DOK5: variants seen among roughly 807,000 people sequenced by gnomAD.
DOK5 encodes docking protein 5, also known as downstream of tyrosine kinase 5.
DOK5 carries 27 observed loss-of-function variants against 43.3 expected under a neutral mutation model. The ratio of observed to expected loss-of-function variants is 0.62; its 90% CI spans 0.46 to 0.86. DOK5 has a LOEUF of 0.86. DOK5 is among the 40% of genes least tolerant of loss of function. DOK5 has a pLI of 0.00. For missense variants in DOK5, 373 were observed against 392.9 expected (o/e 0.95, Z 0.43); for synonymous variants, 146 against 140.1 (o/e 1.04, Z -0.30).
chr20:54,577,533 T>C (rs1386591948), intron 2 of DOK5, among the ~76,000 whole-genome samples: 1 of 152,238 alleles, frequency 6.6e-6, no homozygotes, highest in Non-Finnish European at 1.5e-5. Context: ...CTGGTCTTCA[T>C]ACAAGAAGCA....
At chr20:54,568,866 A>G (rs552353475) in intron 2 of DOK5, among the ~76,000 whole-genome samples, 2 of 151,848 alleles carry the variant, frequency 1.3e-5, no homozygotes, top group East Asian at 1.9e-4. Flanking sequence ...CGGGAGGCGG[A>G]GCTTACAGTG....
At chr20:54,634,743 G>A (rs532410556) in intron 6 of DOK5, among the ~76,000 whole-genome samples, 1 of 151,012 alleles carries the variant, frequency 6.6e-6, no homozygotes, top group East Asian at 1.9e-4. Flanking sequence ...TAATCTTCAG[G>A]GCATATACTA....
intron 2 of DOK5, among the ~76,000 whole-genome samples, chr20:54,560,321 C>A (rs1265087879): frequency 6.6e-6 from 1 of 152,168 alleles, no homozygotes; most frequent in Non-Finnish European, 1.5e-5. Flanking sequence ...AACTACCCAC[C>A]ATGCCATATT....
intron 2 of DOK5, among the ~76,000 whole-genome samples, chr20:54,559,934 T>G (rs550000814): frequency 6.5e-4 from 99 of 152,378 alleles, no homozygotes; most frequent in Admixed American, 7.2e-4. Context: ...TTATTATTTT[T>G]ATTCTCCCAA....
At chr20:54,597,580 T>G (rs1986181265) in intron 5 of DOK5, among the ~76,000 whole-genome samples, 1 of 152,178 alleles carries the variant, frequency 6.6e-6, no homozygotes, top group Non-Finnish European at 1.5e-5. Flanking sequence ...AAATGAAACC[T>G]GGGCAATGGC....
intron 5 of DOK5, among the ~76,000 whole-genome samples, chr20:54,605,288 C>T (rs1986437466): frequency 6.6e-6 from 1 of 152,176 alleles, no homozygotes; most frequent in African/African-American, 2.4e-5. Flanking sequence ...ATTTCAACCC[C>T]ATTAGTATTT....
rs887954067 is a variant in DOK5, at chr20:54,625,876, T to G, written c.735+15353T>G. Among the ~76,000 whole-genome samples, 4 of 152,368 alleles carry G rather than the reference T, an allele frequency of 2.6e-5. No homozygotes were observed. The South Asian group carries it at 8.3e-4, about 32-fold the overall frequency. ...ATCAATTCATCCATCCATAATTCAA[T>G]TATCCAATCCCTTTTTATTAAATGC... On this transcript the variant is annotated intron_variant, in intron 6 of 7. Coordinates refer to ENST00000262593, the MANE Select transcript of DOK5 (RefSeq NM_018431.5).
chr20:54,588,134 G>T (rs940760386), intron 2 of DOK5, among the ~76,000 whole-genome samples: 1 of 152,034 alleles, frequency 6.6e-6, no homozygotes, highest in Admixed American at 6.6e-5. Flanking sequence ...CACAGAGACC[G>T]AAACAGACAT....
rs1453701170 is a variant in DOK5, at chr20:54,603,907, G to GGGAGGC, written c.600-6476_600-6475insCGGAGG. ...GCCTTGCTATAGCCTCAGGGGGAGG[G>GGGAGGC]GGAGGGGATTGTACTCCACTTGTTC... On this transcript the variant is annotated intron_variant, in intron 5 of 7. Coordinates refer to ENST00000262593, the MANE Select transcript of DOK5 (RefSeq NM_018431.5). Among the ~76,000 whole-genome samples the GGGAGGC allele has an allele frequency of 2.0e-5, 3 of 151,834 alleles. No homozygotes were observed. In the East Asian group the frequency reaches 5.8e-4, roughly 29 times the overall value.
Position 54,501,686 on chromosome 20 carries a change from T to G in DOK5, c.66+25674T>G, listed in dbSNP as rs572497146. 2.0e-3 allele frequency among the ~76,000 whole-genome samples: 297 copies of G among 152,222 alleles called. 1 individual carries two copies. The highest frequency in any genetic ancestry group is 6.8e-3 in the African/African-American group (283 of 41,528). ...TAGCATGAAGATACATACAGTGTTT[T>G]GTGACTTCCATAATTTAGAGTCTCT... is the stretch of plus-strand genomic sequence containing the variant. On this transcript the variant is annotated intron_variant, in intron 1 of 7. Coordinates refer to ENST00000262593, the MANE Select transcript of DOK5 (RefSeq NM_018431.5).
chr20:54,623,619 G>A (rs1182554445), intron 6 of DOK5, among the ~76,000 whole-genome samples: 5 of 151,860 alleles, frequency 3.3e-5, no homozygotes, highest in Non-Finnish European at 5.9e-5. Context: ...TCGCTCTGTC[G>A]CCCAGGCTGG....
At position 54,475,876 on chromosome 20, in the gene DOK5, G is replaced by T. The variant is rs1330741009; in HGVS notation, c.-71G>T. The T allele has an allele frequency of 6.3e-7, 1 of 1,583,106 alleles. No homozygotes were observed. The highest frequency in any genetic ancestry group is 1.3e-5 in the African/African-American group (1 of 74,602). ...CCCACCGACTGCTTGTCTTGACCCT[G>T]CCCTCCACCCTCCCCAGAGCCACTT... On this transcript the variant is annotated 5_prime_UTR_variant, in exon 1 of 8. Coordinates refer to ENST00000262593, the MANE Select transcript of DOK5 (RefSeq NM_018431.5). The surrounding 1 kb of genome is among the most constrained non-coding windows in gnomAD (Gnocchi z 4.2).
rs954874461 is a variant in DOK5 at position 54,612,669 on chromosome 20, A to C, written c.735+2146A>C. 8.5e-5 allele frequency among the ~76,000 whole-genome samples: 13 copies of C among 152,238 alleles called. No individual in the cohort carries two copies. The South Asian group carries it at 2.7e-3, about 32-fold the overall frequency. On this transcript the variant is annotated intron_variant, in intron 6 of 7. Coordinates refer to ENST00000262593, the MANE Select transcript of DOK5 (RefSeq NM_018431.5). ...CAAATCCAGACCAGAAACCATCACCATTGGCTTTCAGGCCTTCAGACTGCA... is the reference window on the plus strand; with the variant it reads ...CAAATCCAGACCAGAAACCATCACCCTTGGCTTTCAGGCCTTCAGACTGCA...
At chr20:54,538,273 C>T (rs1984025521) in intron 1 of DOK5, among the ~76,000 whole-genome samples, 1 of 150,932 alleles carries the variant, frequency 6.6e-6, no homozygotes, top group African/African-American at 2.4e-5. Flanking sequence ...ACCTAATAAA[C>T]TCAATGAAAT....
intron 6 of DOK5, among the ~76,000 whole-genome samples, chr20:54,614,395 C>T (rs1986742379): frequency 1.3e-5 from 2 of 152,176 alleles, no homozygotes; most frequent in South Asian, 4.1e-4. Context: ...GAATTCAAGT[C>T]ACTGAAAACT....
intron 6 of DOK5, among the ~76,000 whole-genome samples, chr20:54,642,377 A>T (rs1399391263): frequency 6.6e-6 from 1 of 151,898 alleles, no homozygotes; most frequent in South Asian, 2.1e-4. Flanking sequence ...TTTCTTTCTG[A>T]TGCCAGAACA....
At chr20:54,586,756 G>A (rs1443553993) in intron 2 of DOK5, among the ~76,000 whole-genome samples, 1 of 152,142 alleles carries the variant, frequency 6.6e-6, no homozygotes, top group East Asian at 1.9e-4. Context: ...GGGAATGGGA[G>A]TGAGGTAAGG....
intron 1 of DOK5, among the ~76,000 whole-genome samples, chr20:54,529,235 A>C (rs987362359): frequency 3.3e-5 from 5 of 152,200 alleles, no homozygotes; most frequent in African/African-American, 4.8e-5. Context: ...AATAAGACTA[A>C]AATATATGGA....
At chr20:54,532,087 C>T (rs1228194909) in intron 1 of DOK5, among the ~76,000 whole-genome samples, 1 of 152,172 alleles carries the variant, frequency 6.6e-6, no homozygotes, top group African/African-American at 2.4e-5. Flanking sequence ...CAAATACCCT[C>T]CACCTCTGGA....
Sources: gnomAD v4.1 joint callset for allele counts (sites outside exome capture counted in the v4.1 genomes callset) on GRCh38, gnomAD v4.1.1 for gene constraint, Gnocchi (gnomAD v3.1) non-coding constraint, MANE v1.5 for transcripts, NCBI Gene and HGNC (gene_info 2026-07-23, HGNC 2026-07-21) for gene names.